The following ERAP1 variants were observed in gnomAD, a reference collection of about 807,000 sequenced individuals.
ERAP1 encodes adipocyte-derived leucine aminopeptidase.
Under a neutral mutation model 103.7 loss-of-function variants are expected in ERAP1, and 86 were observed. That is an observed-to-expected ratio of 0.83 (90% CI 0.70 to 0.99). The LOEUF is 0.99. ERAP1 is among the 50% of genes least tolerant of loss of function. The pLI is 0.00. For missense variants in ERAP1, 1,009 were observed against 1,128.4 expected, an observed-to-expected ratio of 0.89 and a Z score of 1.52; for synonymous variants, 398 against 402.4, an observed-to-expected ratio of 0.99 and a Z score of 0.13.
At chr5:96,812,050 T>C (rs567360106), upstream of ERAP1, among the ~76,000 whole-genome samples, 3 of 152,362 alleles carry the variant, frequency 2.0e-5, no homozygotes, top group East Asian at 5.8e-4. Flanking sequence ...AATTTGTATT[T>C]CTTTCATCAC....
In ERAP1 at chr5:96,801,729, G is replaced by A. The variant is rs535537310; in HGVS notation, c.525-729C>T. Reference sequence around the variant, plus strand: ...TAGCTGGGTGTGGTGGTGCGCGTCTGTAATCCCAGCTACTCAGGAGGCTGA... The same window carrying A: ...TAGCTGGGTGTGGTGGTGCGCGTCTATAATCCCAGCTACTCAGGAGGCTGA... On this transcript the variant is annotated intron_variant, in intron 2 of 18. Coordinates refer to ENST00000443439, the MANE Select transcript of ERAP1 (RefSeq NM_001040458.3). 2.0e-5 allele frequency among the ~76,000 whole-genome samples: 3 copies of A among 151,700 alleles called. No homozygotes were observed. In the East Asian group the frequency reaches 5.8e-4, roughly 30 times the overall value.
upstream of ERAP1, among the ~76,000 whole-genome samples, chr5:96,812,253 T>A (rs1404230031): frequency 6.6e-6 from 1 of 152,164 alleles, no homozygotes; most frequent in African/African-American, 2.4e-5. Context: ...AGTGTCATAG[T>A]CAGTAAAGCT....
At chr5:96,909,877 G>A in the ERAP1 span, 3 of 1,068,412 alleles carry the variant, frequency 2.8e-6, no homozygotes, top group South Asian at 3.3e-5. Context: ...AAAAAAACAT[G>A]CTGGGCATTA....
chr5:96,761,745 C>T (rs924966299), exon 20 of ERAP1: 1 of 153,478 alleles, frequency 6.5e-6, no homozygotes, highest in African/African-American at 2.4e-5. Context: ...AACCTGACAC[C>T]GTATACCACA....
At chr5:96,820,533 C>G in the ERAP1 span, among the ~76,000 whole-genome samples, 1 of 152,112 alleles carries the variant, frequency 6.6e-6, no homozygotes, top group African/African-American at 2.4e-5. Context: ...TACTAGTTTT[C>G]CTTAAACTGT....
chr5:96,863,572 G>C, the ERAP1 span, among the ~76,000 whole-genome samples: 9 of 151,346 alleles, frequency 5.9e-5, no homozygotes, highest in South Asian at 1.9e-3. Flanking sequence ...TCTTTTTCTT[G>C]TTCCCCGAAA....
intron 1 of ERAP1, among the ~76,000 whole-genome samples, chr5:96,805,360 A>T (rs543012861): frequency 0.057 from 7,887 of 139,444 alleles, 534 homozygotes; most frequent in African/African-American, 0.18. Context: ...TTTTTTTTAA[A>T]AAAAAAAAAA....
the ERAP1 span, among the ~76,000 whole-genome samples, chr5:96,842,994 A>G: frequency 1.3e-5 from 2 of 152,164 alleles, no homozygotes; most frequent in Non-Finnish European, 2.9e-5. Context: ...TCATTCTTCT[A>G]CATTCCTTAA....
At chr5:96,875,894 C>T in the ERAP1 span, 1 of 152,426 alleles carries the variant, frequency 6.6e-6, no homozygotes, top group African/African-American at 2.4e-5. Context: ...CCAGAGGTTT[C>T]ATCTTTGTGG....
chr5:96,896,834 A>T, the ERAP1 span: 96 of 1,597,976 alleles, frequency 6.0e-5, 1 homozygote, highest in Non-Finnish European at 7.7e-5. Flanking sequence ...AAATGCTAAG[A>T]ATGATGACTT....
downstream of ERAP1, chr5:96,770,200 C>T: frequency 6.8e-6 from 2 of 292,136 alleles, no homozygotes; most frequent in Non-Finnish European, 1.4e-5. Context: ...TACTAGGGTT[C>T]CCTTTTCTCC....
the ERAP1 span, among the ~76,000 whole-genome samples, chr5:96,846,133 A>G: frequency 1.3e-5 from 2 of 152,336 alleles, no homozygotes; most frequent in East Asian, 3.9e-4. Context: ...AAGTTGCCCC[A>G]TGATTGTAAT....
At chr5:96,781,554 A>T in intron 16 of ERAP1, 139 bp downstream of exon 16, 1 of 1,112,368 alleles carries the variant, frequency 9.0e-7, no homozygotes. Context: ...TGCCTTTCTC[A>T]TTAGATGTGT....
At chr5:96,890,571 C>T in the ERAP1 span, among the ~76,000 whole-genome samples, 1 of 152,176 alleles carries the variant, frequency 6.6e-6, no homozygotes, top group African/African-American at 2.4e-5. Context: ...CTTGGGGTTT[C>T]TGACAGTGAC....
chr5:96,927,195 G>A, the ERAP1 span, among the ~76,000 whole-genome samples: 2 of 152,172 alleles, frequency 1.3e-5, no homozygotes, highest in Non-Finnish European at 2.9e-5. Flanking sequence ...TGGATCACAT[G>A]GTAACTGTTG....
At position 96,780,943 on chromosome 5, in the gene ERAP1, A is replaced by G. The variant is rs1424369631; in HGVS notation, c.2588+115T>C. On this transcript the variant is annotated intron_variant, in intron 17 of 18. Transcript: ENST00000443439. The stretch of plus-strand genomic sequence containing the variant: ...AATATTTTAGGTATTTCTACTGCCT[A>G]TCTTCAATCAAAAAGTACCTTTAGA... 9.1e-6 allele frequency: 11 copies of G among 1,215,192 alleles called. No homozygotes were observed. The South Asian group carries it at 1.0e-4, about 11-fold the overall frequency. The allele number at this position is 1,215,192 out of a possible 1,614,324, so 75.3% of individuals were successfully genotyped here.
chr5:96,901,546 T>C, the ERAP1 span: 2 of 1,613,858 alleles, frequency 1.2e-6, no homozygotes, highest in African/African-American at 1.3e-5. Context: ...AAAGAGATGA[T>C]GACTACATGG....
Position 96,790,554 on chromosome 5 carries a change from A to T in ERAP1, c.1410T>A (p.Tyr470Ter). The stretch of plus-strand genomic sequence containing the variant: ...ACAGGTCCTCGTTTTTTGTATTTTT[A>T]TAGCTATGCTTCTGGAGATACTGTA... ...GIVQYLQKHSYKNTKNEDLWD... is the reference protein window; with the variant it reads ...GIVQYLQKHS The change falls in exon 9 of 19, where the codon TAT becomes TAA. Residue 470 changes from tyrosine (Y) to a stop codon, truncating the protein, a stop_gained. Transcript: ENST00000443439. LOFTEE classifies it high-confidence loss of function. 2 of 1,613,978 alleles carry T rather than the reference A, an allele frequency of 1.2e-6. No individual in the cohort carries two copies. The highest frequency in any genetic ancestry group is 1.7e-6 in the Non-Finnish European group (2 of 1,179,848).
At chr5:96,913,490 T>G in the ERAP1 span, 11 of 1,611,072 alleles carry the variant, frequency 6.8e-6, no homozygotes, top group Non-Finnish European at 9.3e-6. Context: ...TGTTTGTTCT[T>G]CCATGCAGAT....
Sources: allele counts gnomAD v4.1 joint callset (sites outside exome capture counted in the v4.1 genomes callset), GRCh38; gene constraint gnomAD v4.1.1; transcripts MANE v1.5; gene names NCBI Gene and HGNC (gene_info 2026-07-23, HGNC 2026-07-21).